Variants in NEDD4L observed in about 807,000 individuals in gnomAD.
NEDD4L encodes NEDD4 like E3 ubiquitin protein ligase.
A neutral mutation model predicts 148.9 loss-of-function variants in NEDD4L; 54 were observed. That is an observed-to-expected ratio of 0.36 (90% CI 0.29 to 0.45). The LOEUF is 0.45. Among genes scored for constraint, NEDD4L ranks in the 20% least tolerant of loss-of-function variants. NEDD4L has a pLI of 1.00. For synonymous variants in NEDD4L, 433 were observed against 440.7 expected (o/e 0.98, Z 0.22); for missense variants, 856 against 1,233.8 (o/e 0.69, Z 4.59).
chr18:58,194,746 G>A (rs1175931666), intron 2 of NEDD4L, among the ~76,000 whole-genome samples: 1 of 152,192 alleles, frequency 6.6e-6, no homozygotes, highest in Non-Finnish European at 1.5e-5. Flanking sequence ...TTTGCTATTG[G>A]GTATGCACTG....
rs183853605 is a variant in NEDD4L, at chr18:58,358,065, A to G, written c.1767+813A>G. Among the ~76,000 whole-genome samples, 18 of 152,324 alleles carry G rather than the reference A, an allele frequency of 1.2e-4. No individual in the cohort carries two copies. In the East Asian group the frequency reaches 2.9e-3, roughly 24 times the overall value. On this transcript the variant is annotated intron_variant, in intron 19 of 30. Coordinates refer to ENST00000400345, the MANE Select transcript of NEDD4L (RefSeq NM_001144967.3). ...TTCTTAGACCAGAGGAGCAAAAGGA[A>G]CTGAAGTTTGTTATATCACATGCTG...
intron 2 of NEDD4L, among the ~76,000 whole-genome samples, chr18:58,169,232 G>GC (rs150102248): frequency 0.025 from 3,751 of 152,316 alleles, 150 homozygotes; most frequent in African/African-American, 0.086. Flanking sequence ...TATTAAAGGA[G>GC]CTTTGTTTGG....
chr18:58,252,011 C>G lies in NEDD4L; in HGVS notation c.254C>G (p.Ser85Cys), dbSNP rs1478849700. The G allele has an allele frequency of 6.3e-7, 1 of 1,575,452 alleles. No homozygotes were observed. Among genetic ancestry groups the G allele is most frequent in the Non-Finnish European group, 8.7e-7 (1 of 1,144,908 alleles). ...NEEFYFRVNP[S>C]NHRLLFEVFD... ...TTATGTTCCTTATAGGTAAACCCATCTAATCACAGACTCCTATTTGAAGTA... is the reference window on the plus strand; with the variant it reads ...TTATGTTCCTTATAGGTAAACCCATGTAATCACAGACTCCTATTTGAAGTA... The change falls in exon 5 of 31, where the codon TCT becomes TGT. Residue 85 changes from serine to cysteine, a missense_variant. Physicochemically the swap from Ser to Cys is moderately radical, Grantham distance 112 (BLOSUM62 -1). Coordinates refer to ENST00000400345, the MANE Select transcript of NEDD4L (RefSeq NM_001144967.3).
intron 2 of NEDD4L, among the ~76,000 whole-genome samples, chr18:58,213,009 G>T (rs1382893476): frequency 6.6e-6 from 1 of 152,124 alleles, no homozygotes; most frequent in Non-Finnish European, 1.5e-5. Context: ...GGGAAATGCA[G>T]ATTAAACAAT....
chr18:58,267,063 A>G (rs2050321455), intron 5 of NEDD4L, among the ~76,000 whole-genome samples: 1 of 152,052 alleles, frequency 6.6e-6, no homozygotes, highest in Non-Finnish European at 1.5e-5. Context: ...CCTTCCGTAT[A>G]TTTGTCACCC....
intron 11 of NEDD4L, 76 bp downstream of exon 11, chr18:58,330,990 C>A: frequency 3.5e-6 from 5 of 1,439,352 alleles, no homozygotes; most frequent in East Asian, 4.6e-5. Context: ...GAATCTCTTA[C>A]GTAAATAGTG....
intron 5 of NEDD4L, among the ~76,000 whole-genome samples, chr18:58,296,948 G>A (rs2055694839): frequency 6.6e-6 from 1 of 151,942 alleles, no homozygotes; most frequent in Admixed American, 6.6e-5. Flanking sequence ...TTAAACGAGT[G>A]TCTTGGCACT....
intron 28 of NEDD4L, chr18:58,390,020 T>G (rs2049598510): frequency 6.6e-6 from 1 of 152,134 alleles, no homozygotes; most frequent in African/African-American, 2.4e-5. Context: ...CCAGCAGGAA[T>G]ACAGAGATAA....
rs944650202 is a variant in NEDD4L, at chr18:58,147,017, G to C, written c.49-18771G>C. ...GACTCCGAGCAGAGCTCATGTAAAG[G>C]TGTCGGGCCCAGGATGCGTTCTCAG... is the stretch of plus-strand genomic sequence containing the variant. On this transcript the variant is annotated intron_variant, in intron 1 of 30. Transcript: ENST00000400345. 2.0e-5 allele frequency among the ~76,000 whole-genome samples: 3 copies of C among 152,298 alleles called. No homozygotes were observed. In the South Asian group the frequency reaches 6.2e-4, roughly 32 times the overall value.
At chr18:58,175,196 G>T (rs2037982291) in intron 2 of NEDD4L, among the ~76,000 whole-genome samples, 3 of 152,256 alleles carry the variant, frequency 2.0e-5, no homozygotes, top group Non-Finnish European at 2.9e-5. Flanking sequence ...GTTTCTGGAA[G>T]GTCTTGGCAA....
At chr18:58,292,549 G>A (rs532556333) in intron 5 of NEDD4L, among the ~76,000 whole-genome samples, 3 of 152,258 alleles carry the variant, frequency 2.0e-5, no homozygotes, top group Admixed American at 2.0e-4. Context: ...CTCTCTCGTA[G>A]TACTTTATTT....
chr18:58,389,742 T>TAA (rs61096183), intron 28 of NEDD4L, among the ~76,000 whole-genome samples: 2 of 141,014 alleles, frequency 1.4e-5, no homozygotes, highest in African/African-American at 5.2e-5. Context: ...TAAACAAACT[T>TAA]AAAAAAAAAA....
rs1221263954 is a variant in NEDD4L at position 58,189,886 on chromosome 18, A to G, written c.122+24025A>G. 8 of 152,198 alleles carry G rather than the reference A, an allele frequency of 5.3e-5. No individual in the cohort carries two copies. The East Asian group carries it at 1.5e-3, about 29-fold the overall frequency. The allele number at this position is 152,198 out of a possible 1,614,324, so 9.4% of individuals were successfully genotyped here. The stretch of plus-strand genomic sequence containing the variant: ...GCAGAAGTCAAGTATCTTCTATTTC[A>G]TATCTTTATTGAATAAGAGTTTTAC... On this transcript the variant is annotated intron_variant, in intron 2 of 30. Transcript: ENST00000400345.
chr18:58,151,192 C>T (rs1443738936), intron 1 of NEDD4L, among the ~76,000 whole-genome samples: 2 of 152,166 alleles, frequency 1.3e-5, no homozygotes, highest in Non-Finnish European at 2.9e-5. Flanking sequence ...TCTGGTACAG[C>T]ATCCTGGAGT....
chr18:58,121,652 T>A (rs2145825753), intron 1 of NEDD4L, among the ~76,000 whole-genome samples: 1 of 152,316 alleles, frequency 6.6e-6, no homozygotes, highest in African/African-American at 2.4e-5. Context: ...CAAGTCATCA[T>A]CCTGTGTTGG....
intron 1 of NEDD4L, among the ~76,000 whole-genome samples, chr18:58,157,866 T>C (rs896745145): frequency 2.6e-5 from 4 of 152,252 alleles, no homozygotes; most frequent in African/African-American, 9.6e-5. Flanking sequence ...AATGAGACTG[T>C]AATTATTGCA....
At chr18:58,293,107 A>T (rs1430114239) in intron 5 of NEDD4L, among the ~76,000 whole-genome samples, 1 of 152,190 alleles carries the variant, frequency 6.6e-6, no homozygotes, top group African/African-American at 2.4e-5. Context: ...AATTCCTCAA[A>T]CTTGTCGAAT....
rs1352040417 is a variant in NEDD4L, at chr18:58,331,255, A to G, written c.990+341A>G. 5.3e-5 allele frequency among the ~76,000 whole-genome samples: 8 copies of G among 152,354 alleles called. No individual in the cohort carries two copies. The South Asian group carries it at 6.2e-4, about 12-fold the overall frequency. On this transcript the variant is annotated intron_variant, in intron 11 of 30. Coordinates refer to ENST00000400345, the MANE Select transcript of NEDD4L (RefSeq NM_001144967.3). The stretch of plus-strand genomic sequence containing the variant: ...TTTCCCAGCCAAAAGGCTCATGAAA[A>G]TAGTACCTTTATCACAAAGGTAGTA...
In NEDD4L at chr18:58,145,171, C is replaced by T. The variant is rs150573531; in HGVS notation, c.49-20617C>T. ...CCCCCTGAGGCTCTCCTACCAGGGC[C>T]CCCTCTCATCAGGCCCCAGCTGGAA... On this transcript the variant is annotated intron_variant, in intron 1 of 30. Transcript: ENST00000400345. Among the ~76,000 whole-genome samples, 515 of 152,292 alleles carry T rather than the reference C, an allele frequency of 3.4e-3. 4 individuals are homozygous for T. The highest frequency in any genetic ancestry group is 0.012 in the African/African-American group (495 of 41,564).
Sources: allele counts gnomAD v4.1 joint callset (sites outside exome capture counted in the v4.1 genomes callset), GRCh38; gene constraint gnomAD v4.1.1; transcripts MANE v1.5; gene names NCBI Gene and HGNC (gene_info 2026-07-23, HGNC 2026-07-21).